The following HIBADH variants were observed in gnomAD, a reference collection of about 807,000 sequenced individuals.
HIBADH encodes the protein 3-hydroxyisobutyrate dehydrogenase, mitochondrial.
A neutral mutation model predicts 36.1 loss-of-function variants in HIBADH; 25 were observed. The ratio of observed to expected loss-of-function variants is 0.69; its 90% CI spans 0.50 to 0.97. The LOEUF is 0.97. HIBADH is among the 50% of genes least tolerant of loss of function. HIBADH has a pLI of 0.00. For synonymous variants in HIBADH, 160 were observed against 149.5 expected (o/e 1.07, Z -0.51); for missense variants, 421 against 418.0 (o/e 1.01, Z -0.06).
At chr7:27,651,411 A>C (rs957926491) in intron 1 of HIBADH, among the ~76,000 whole-genome samples, 1 of 152,250 alleles carries the variant, frequency 6.6e-6, no homozygotes, top group African/African-American at 2.4e-5. Flanking sequence ...CTGGCCTGCA[A>C]GGAATTCAAT....
chr7:27,643,218 C>T (rs1254099618), intron 2 of HIBADH, among the ~76,000 whole-genome samples: 1 of 152,100 alleles, frequency 6.6e-6, no homozygotes, highest in African/African-American at 2.4e-5. Context: ...TAATGAAGGT[C>T]CTATCCCATT....
chr7:27,637,461 G>T (rs1785860929), intron 2 of HIBADH, among the ~76,000 whole-genome samples: 1 of 152,082 alleles, frequency 6.6e-6, no homozygotes, highest in South Asian at 2.1e-4. Context: ...ATAATAAAGG[G>T]ATAAGCTATA....
chr7:27,639,955 G>C (rs1785931946), intron 2 of HIBADH, among the ~76,000 whole-genome samples: 1 of 152,102 alleles, frequency 6.6e-6, no homozygotes, highest in Non-Finnish European at 1.5e-5. Flanking sequence ...TGAGAAATGC[G>C]TTGTGAGAAA....
chr7:27,632,223 A>G (rs1445556760), intron 3 of HIBADH, 113 bp downstream of exon 3: 1 of 704,402 alleles, frequency 1.4e-6, no homozygotes, highest in African/African-American at 1.8e-5. Flanking sequence ...TTTATGAAAT[A>G]AAAACAGTAT....
At chr7:27,617,988 G>A (rs1253969413) in intron 4 of HIBADH, among the ~76,000 whole-genome samples, 2 of 152,208 alleles carry the variant, frequency 1.3e-5, no homozygotes, top group Non-Finnish European at 2.9e-5. Context: ...CTGGGACAAA[G>A]GAAACTGAAG....
chr7:27,654,630 T>C (rs1371680320), intron 1 of HIBADH, among the ~76,000 whole-genome samples: 1 of 151,874 alleles, frequency 6.6e-6, no homozygotes, highest in Non-Finnish European at 1.5e-5. Flanking sequence ...ATACAAATAT[T>C]TGTATATTCC....
At chr7:27,633,346 G>A (rs762539290) in intron 2 of HIBADH, among the ~76,000 whole-genome samples, 2 of 152,082 alleles carry the variant, frequency 1.3e-5, no homozygotes, top group Non-Finnish European at 2.9e-5. Flanking sequence ...CTCCTTCCTT[G>A]ACTCAAACTC....
chr7:27,605,796 A>G (rs1785214992), intron 4 of HIBADH, among the ~76,000 whole-genome samples: 1 of 152,046 alleles, frequency 6.6e-6, no homozygotes, highest in African/African-American at 2.4e-5. Flanking sequence ...GTCAACTTCA[A>G]AAGTAAAATC....
rs1395960674 is a variant in HIBADH, at chr7:27,527,917, CGTTT to C, written c.853-1549_853-1546del. Among the ~76,000 whole-genome samples the C allele has an allele frequency of 2.2e-4, 17 of 77,040 alleles. 4 individuals are homozygous for C. Among genetic ancestry groups the C allele is most frequent in the African/African-American group, 3.3e-4 (6 of 18,318 alleles). 50.5% of individuals were successfully genotyped at this position (77,040 alleles called of 152,430 possible). A position where few individuals can be genotyped will look rare whatever the true frequency, so the allele number is the denominator to read the frequency against. ...AGGCATTTGCCACCACCACACCCAG[CGTTT>C]TTTTTTTTTTTTTTTTTTTTTAGTA... On this transcript the variant is annotated intron_variant, in intron 7 of 7. Transcript: ENST00000265395.
intron 4 of HIBADH, among the ~76,000 whole-genome samples, chr7:27,574,046 A>G (rs964036459): frequency 6.6e-6 from 1 of 152,202 alleles, no homozygotes; most frequent in Non-Finnish European, 1.5e-5. Flanking sequence ...TGAAATTGTA[A>G]TATACTATAG....
At chr7:27,528,294 G>T (rs561126311) in intron 7 of HIBADH, among the ~76,000 whole-genome samples, 1 of 152,100 alleles carries the variant, frequency 6.6e-6, no homozygotes, top group African/African-American at 2.4e-5. Context: ...CAAATGAAAA[G>T]AGGAGTCAGC....
intron 2 of HIBADH, 130 bp from the exon 3 acceptor site, chr7:27,632,575 ATG>A: frequency 6.6e-6 from 3 of 453,196 alleles, no homozygotes; most frequent in Middle Eastern, 4.4e-4. Flanking sequence ...TTGTTTGCAA[ATG>A]ACCAAAAAAA....
At chr7:27,575,598 A>G (rs1161317814) in intron 4 of HIBADH, among the ~76,000 whole-genome samples, 1 of 152,188 alleles carries the variant, frequency 6.6e-6, no homozygotes, top group East Asian at 1.9e-4. Context: ...ATAACTGTAT[A>G]GCAGTGGCAT....
At chr7:27,541,227 T>C (rs539392355) in intron 5 of HIBADH, among the ~76,000 whole-genome samples, 1 of 152,036 alleles carries the variant, frequency 6.6e-6, no homozygotes, top group African/African-American at 2.4e-5. Flanking sequence ...TTTTTCTTAA[T>C]GGCGCCTGGG....
chr7:27,603,036 GT>G (rs1484252037), intron 4 of HIBADH, among the ~76,000 whole-genome samples: 1 of 151,952 alleles, frequency 6.6e-6, no homozygotes, highest in Non-Finnish European at 1.5e-5. Context: ...AGTGCCTGTC[GT>G]TTTCACCCCT....
At chr7:27,615,001 A>G (rs1457564166) in intron 4 of HIBADH, among the ~76,000 whole-genome samples, 1 of 152,224 alleles carries the variant, frequency 6.6e-6, no homozygotes, top group Non-Finnish European at 1.5e-5. Flanking sequence ...TCTCGTGTGA[A>G]TCTAAAACAG....
intron 4 of HIBADH, among the ~76,000 whole-genome samples, chr7:27,613,677 T>TTTTG (rs70994667): frequency 4.0e-5 from 6 of 151,296 alleles, no homozygotes; most frequent in African/African-American, 1.5e-4. Context: ...TTTTTTTTTT[T>TTTTG]GAGACAGGTC....
chr7:27,573,146 A>T (rs1466326595), intron 4 of HIBADH, among the ~76,000 whole-genome samples: 1 of 152,224 alleles, frequency 6.6e-6, no homozygotes, highest in Non-Finnish European at 1.5e-5. Flanking sequence ...AAGTAGCTGA[A>T]TTTAGAACAA....
intron 2 of HIBADH, among the ~76,000 whole-genome samples, chr7:27,638,463 A>C (rs911521702): frequency 1.3e-5 from 2 of 152,108 alleles, no homozygotes; most frequent in Non-Finnish European, 2.9e-5. Flanking sequence ...TAAAGACTTA[A>C]ATGTAAAACC....
Sources: gnomAD v4.1 joint callset for allele counts (sites outside exome capture counted in the v4.1 genomes callset) on GRCh38, gnomAD v4.1.1 for gene constraint, MANE v1.5 for transcripts, NCBI Gene and HGNC (gene_info 2026-07-23, HGNC 2026-07-21) for gene names.